ESRRG: variants seen among roughly 807,000 people sequenced by gnomAD.
The protein encoded by ESRRG is estrogen-related receptor gamma.
ESRRG carries 13 observed loss-of-function variants against 44.0 expected under a neutral mutation model. The ratio of observed to expected loss-of-function variants is 0.30; its 90% confidence interval spans 0.19 to 0.47. The LOEUF (loss-of-function observed/expected upper bound fraction) is 0.47. Among genes scored for constraint, ESRRG ranks in the 20% least tolerant of loss-of-function variants. The probability of loss-of-function intolerance (pLI) is 1.00; values close to 1 mark genes in which losing one functional copy is unlikely to be tolerated. For missense variants in ESRRG, 395 were observed against 580.6 expected (o/e 0.68, Z 3.29); for synonymous variants, 215 against 214.6 (o/e 1.00, Z -0.02).
At chr1:217,121,986 T>A (rs981523180) in intron 1 of ESRRG, among the ~76,000 whole-genome samples, 6 of 152,194 alleles carry the variant, frequency 3.9e-5, no homozygotes, top group Non-Finnish European at 8.8e-5. Context: ...TTGTCCTGAA[T>A]TTCTGTTCAG....
intron 3 of ESRRG, among the ~76,000 whole-genome samples, chr1:216,624,602 C>T (rs956423975): frequency 3.3e-5 from 5 of 152,198 alleles, no homozygotes; most frequent in African/African-American, 1.2e-4. Flanking sequence ...GGGAAAAAAA[C>T]TGCCATTCTT....
At chr1:216,718,265 T>C (rs183538570) in intron 1 of ESRRG, among the ~76,000 whole-genome samples, 14 of 152,058 alleles carry the variant, frequency 9.2e-5, no homozygotes, top group African/African-American at 3.1e-4. Context: ...TGTACATGAA[T>C]ACTTTTAGCA....
At chr1:217,015,822 C>A (rs184364887) in intron 1 of ESRRG, among the ~76,000 whole-genome samples, 1 of 151,574 alleles carries the variant, frequency 6.6e-6, no homozygotes, top group Non-Finnish European at 1.5e-5. Flanking sequence ...CTCCACCTCC[C>A]AGGTTCAAAT....
chr1:217,037,459 C>G (rs1365780709), intron 1 of ESRRG, among the ~76,000 whole-genome samples: 1 of 152,112 alleles, frequency 6.6e-6, no homozygotes, highest in Non-Finnish European at 1.5e-5. Context: ...ACCATCAGAT[C>G]ACATGAGACC....
intron 1 of ESRRG, among the ~76,000 whole-genome samples, chr1:217,061,221 C>G (rs9887845): frequency 1 from 152,073 of 152,200 alleles, 75,973 homozygotes; most frequent in Middle Eastern, 1. Context: ...AAAACAACCT[C>G]CCTATCACCA....
At chr1:217,012,822 C>T (rs562256137) in intron 1 of ESRRG, among the ~76,000 whole-genome samples, 39 of 152,194 alleles carry the variant, frequency 2.6e-4, no homozygotes, top group African/African-American at 9.4e-4. Context: ...CATAGTTTGC[C>T]CTAGGGCTAT....
chr1:216,747,159 T>G (rs2091493699), intron 2 of ESRRG, among the ~76,000 whole-genome samples: 1 of 152,168 alleles, frequency 6.6e-6, no homozygotes, highest in Non-Finnish European at 1.5e-5. Flanking sequence ...ATAAATGATG[T>G]TAGTTTTCCA....
At chr1:216,839,413 C>A (rs2095616121) in intron 2 of ESRRG, among the ~76,000 whole-genome samples, 1 of 152,168 alleles carries the variant, frequency 6.6e-6, no homozygotes. Flanking sequence ...TTCTTCCAAA[C>A]TCCTGTTAAT....
At chr1:217,021,672 T>G (rs1013659667) in intron 1 of ESRRG, among the ~76,000 whole-genome samples, 1 of 152,208 alleles carries the variant, frequency 6.6e-6, no homozygotes, top group African/African-American at 2.4e-5. Flanking sequence ...GCACATTGAA[T>G]GTAATGAGAG....
intron 5 of ESRRG, among the ~76,000 whole-genome samples, chr1:216,537,005 T>C (rs2051176652): frequency 6.6e-6 from 1 of 152,060 alleles, no homozygotes; most frequent in Admixed American, 6.6e-5. Context: ...CACTGGTACC[T>C]GAGCTTTGAG....
At chr1:216,743,803 A>C (rs1394380048) in intron 2 of ESRRG, among the ~76,000 whole-genome samples, 1 of 152,208 alleles carries the variant, frequency 6.6e-6, no homozygotes, top group Admixed American at 6.5e-5. Flanking sequence ...TACATCATTT[A>C]GTTCATCTGA....
At chr1:216,727,414 G>T (rs1382483116), upstream of ESRRG, among the ~76,000 whole-genome samples, 1 of 151,988 alleles carries the variant, frequency 6.6e-6, no homozygotes, top group South Asian at 2.1e-4. Context: ...AAGGCACCAG[G>T]CTCCCTTCTA....
intron 2 of ESRRG, among the ~76,000 whole-genome samples, chr1:216,899,456 G>A (rs562871308): frequency 4.6e-5 from 7 of 152,122 alleles, no homozygotes; most frequent in South Asian, 2.1e-4. Flanking sequence ...GCATTGGGTC[G>A]TCTGCTTAGG....
intron 1 of ESRRG, among the ~76,000 whole-genome samples, chr1:216,973,134 C>T (rs1335202123): frequency 6.6e-6 from 1 of 152,138 alleles, no homozygotes; most frequent in Non-Finnish European, 1.5e-5. Flanking sequence ...GGTCTATTTT[C>T]TAAACAGCTG....
intron 2 of ESRRG, among the ~76,000 whole-genome samples, chr1:216,912,144 AG>A (rs1295804574): frequency 9.8e-5 from 3 of 30,556 alleles, no homozygotes; most frequent in African/African-American, 5.8e-4. Context: ...AGAAAAGAAA[AG>A]AAAAGAAAAG....
At chr1:216,743,205 A>G (rs750297657) in intron 2 of ESRRG, among the ~76,000 whole-genome samples, 1 of 152,198 alleles carries the variant, frequency 6.6e-6, no homozygotes, top group African/African-American at 2.4e-5. Flanking sequence ...AATAGCATAC[A>G]ATGGAAATGT....
At chr1:216,596,314 G>T (rs1047350713) in intron 3 of ESRRG, among the ~76,000 whole-genome samples, 1 of 152,108 alleles carries the variant, frequency 6.6e-6, no homozygotes, top group Non-Finnish European at 1.5e-5. Context: ...GAGCTCATGT[G>T]AACACTTCAT....
At chr1:217,026,870 C>A (rs541153621) in intron 1 of ESRRG, among the ~76,000 whole-genome samples, 1 of 143,478 alleles carries the variant, frequency 7.0e-6, no homozygotes, top group Admixed American at 7.6e-5. Context: ...CCCGACCACA[C>A]ACATATACAC....
At chr1:216,560,758 CAT>C (rs1233478893) in intron 5 of ESRRG, among the ~76,000 whole-genome samples, 1 of 152,008 alleles carries the variant, frequency 6.6e-6, no homozygotes, top group East Asian at 1.9e-4. Context: ...TCCGTATCTA[CAT>C]AAAAGAGATT....
Sources: allele counts gnomAD v4.1 joint callset (sites outside exome capture counted in the v4.1 genomes callset), GRCh38; gene constraint gnomAD v4.1.1; transcripts MANE v1.5; gene names NCBI Gene and HGNC (gene_info 2026-07-23, HGNC 2026-07-21).